Variants in LPP observed in about 807,000 individuals in gnomAD.
LPP encodes LIM domain containing preferred translocation partner in lipoma, also known as lipoma-preferred partner.
A neutral mutation model predicts 60.4 loss-of-function variants in LPP; 38 were observed. The ratio of observed to expected loss-of-function variants is 0.63; its 90% confidence interval spans 0.49 to 0.83. The LOEUF (loss-of-function observed/expected upper bound fraction) is 0.83, where lower values mean the gene tolerates loss of function less well. Among genes scored for constraint, LPP ranks in the 40% least tolerant of loss-of-function variants. The probability of loss-of-function intolerance (pLI) is 0.00; values close to 1 mark genes in which losing one functional copy is unlikely to be tolerated. For synonymous variants in LPP, 328 were observed against 290.8 expected (o/e 1.13, Z -1.30); for missense variants, 902 against 783.6 (o/e 1.15, Z -1.80).
chr3:188,368,849 G>C (rs946790560), intron 3 of LPP, among the ~76,000 whole-genome samples: 4 of 151,954 alleles, frequency 2.6e-5, no homozygotes, highest in African/African-American at 9.7e-5. Flanking sequence ...ATCTACCTCG[G>C]GTCAGTCCTT....
At chr3:188,539,040 T>C (rs1824426654) in intron 6 of LPP, among the ~76,000 whole-genome samples, 1 of 152,150 alleles carries the variant, frequency 6.6e-6, no homozygotes, top group African/African-American at 2.4e-5. Context: ...TGGCTACTAA[T>C]GGGTACAGGA....
chr3:188,266,552 CAGAG>C (rs111754646), intron 2 of LPP, among the ~76,000 whole-genome samples: 181 of 147,604 alleles, frequency 1.2e-3, no homozygotes, highest in African/African-American at 2.7e-3. Flanking sequence ...ACGGGGAAGA[CAGAG>C]AGAGAGAGAG....
chr3:188,862,632 A>G (rs1330087548), intron 9 of LPP, among the ~76,000 whole-genome samples: 2 of 151,602 alleles, frequency 1.3e-5, no homozygotes, highest in East Asian at 3.9e-4. Context: ...AAAGCACGCT[A>G]CTGATATTGA....
At chr3:188,258,863 G>A (rs1419869007) in intron 2 of LPP, among the ~76,000 whole-genome samples, 3 of 152,136 alleles carry the variant, frequency 2.0e-5, no homozygotes, top group African/African-American at 7.2e-5. Context: ...TATTCACTGA[G>A]AACATTTATA....
intron 9 of LPP, among the ~76,000 whole-genome samples, chr3:188,766,036 A>G (rs1162811002): frequency 6.6e-6 from 1 of 151,336 alleles, no homozygotes; most frequent in East Asian, 1.9e-4. Flanking sequence ...ACGCCCGGCT[A>G]ATTTTTTTAT....
At chr3:188,747,467 A>G (rs2150264702) in intron 8 of LPP, among the ~76,000 whole-genome samples, 1 of 152,356 alleles carries the variant, frequency 6.6e-6, no homozygotes, top group Middle Eastern at 3.4e-3. Flanking sequence ...TCTCTGAATG[A>G]AAAACGAGAG....
intron 8 of LPP, among the ~76,000 whole-genome samples, chr3:188,744,146 C>T (rs1319902128): frequency 6.6e-6 from 1 of 152,074 alleles, no homozygotes; most frequent in Non-Finnish European, 1.5e-5. Context: ...ATATACACAG[C>T]CATTTACTTA....
intron 2 of LPP, among the ~76,000 whole-genome samples, chr3:188,326,708 T>C (rs1407626738): frequency 6.6e-6 from 1 of 152,196 alleles, no homozygotes; most frequent in Non-Finnish European, 1.5e-5. Flanking sequence ...AGTTTAATGA[T>C]TAGTTTCTTT....
intron 8 of LPP, among the ~76,000 whole-genome samples, chr3:188,716,430 A>G (rs993133576): frequency 9.2e-5 from 14 of 152,224 alleles, no homozygotes; most frequent in South Asian, 2.1e-4. Context: ...AAAAAAAACA[A>G]TGAGGAGGAT....
chr3:188,264,820 CT>C (rs1381491572), intron 2 of LPP, among the ~76,000 whole-genome samples: 1 of 151,796 alleles, frequency 6.6e-6, no homozygotes, highest in South Asian at 2.1e-4. Context: ...CTTTTCTTTC[CT>C]TTTTTTTCTT....
intron 10 of LPP, among the ~76,000 whole-genome samples, chr3:188,870,799 G>T (rs1263024959): frequency 6.6e-6 from 1 of 152,106 alleles, no homozygotes; most frequent in Non-Finnish European, 1.5e-5. Flanking sequence ...CTGCCTCTTC[G>T]CTTTGGTTTT....
At chr3:188,175,014 T>C (rs1436941311) in intron 1 of LPP, among the ~76,000 whole-genome samples, 1 of 152,180 alleles carries the variant, frequency 6.6e-6, no homozygotes, top group African/African-American at 2.4e-5. Flanking sequence ...CAGTGAACAT[T>C]TGTTGGATGG....
intron 1 of LPP, among the ~76,000 whole-genome samples, chr3:188,174,398 A>T (rs1248665002): frequency 6.6e-6 from 1 of 152,260 alleles, no homozygotes; most frequent in Non-Finnish European, 1.5e-5. Flanking sequence ...AGAAAACAGT[A>T]GTGTAAAGAC....
At chr3:188,835,580 T>G (rs910688769) in intron 9 of LPP, among the ~76,000 whole-genome samples, 1 of 151,830 alleles carries the variant, frequency 6.6e-6, no homozygotes, top group East Asian at 1.9e-4. Flanking sequence ...AATTGCACCA[T>G]TGCACTCCAG....
chr3:188,220,773 G>T (rs1478807551), intron 1 of LPP, among the ~76,000 whole-genome samples: 1 of 152,238 alleles, frequency 6.6e-6, no homozygotes, highest in East Asian at 1.9e-4. Context: ...GCCTTCCAGT[G>T]GGTCTGTTAT....
chr3:188,727,661 T>A (rs1048257924), intron 8 of LPP, among the ~76,000 whole-genome samples: 3 of 152,146 alleles, frequency 2.0e-5, no homozygotes, highest in Non-Finnish European at 4.4e-5. Flanking sequence ...GCCTCATAAT[T>A]GTTGACAGCC....
chr3:188,358,627 G>C (rs1768291323), intron 3 of LPP, among the ~76,000 whole-genome samples: 1 of 152,190 alleles, frequency 6.6e-6, no homozygotes. Flanking sequence ...CAGTGGAAGA[G>C]ATGCCAGTCT....
chr3:188,808,071 T>G (rs968353455), intron 9 of LPP, among the ~76,000 whole-genome samples: 2 of 152,150 alleles, frequency 1.3e-5, no homozygotes, highest in South Asian at 2.1e-4. Context: ...ATTTGAATTT[T>G]TTGTTGTTGT....
intron 9 of LPP, among the ~76,000 whole-genome samples, chr3:188,761,936 C>G (rs552104697): frequency 6.6e-6 from 1 of 152,284 alleles, no homozygotes; most frequent in South Asian, 2.1e-4. Flanking sequence ...GCCACGAGCC[C>G]TAAGGTAGTG....
Sources: allele counts gnomAD v4.1 joint callset (sites outside exome capture counted in the v4.1 genomes callset), GRCh38; gene constraint gnomAD v4.1.1; transcripts MANE v1.5; gene names NCBI Gene and HGNC (gene_info 2026-07-23, HGNC 2026-07-21).